Variants in SRGAP1 observed in about 807,000 individuals in gnomAD.
SRGAP1 encodes the protein SLIT-ROBO Rho GTPase-activating protein 1.
A neutral mutation model predicts 121.9 loss-of-function variants in SRGAP1; 43 were observed. The observed-to-expected ratio is 0.35, with a 90% CI of 0.28 to 0.46. The LOEUF is 0.46. Ranked by LOEUF, SRGAP1 falls within the 20% of genes least tolerant of loss-of-function variation. The pLI, the probability that SRGAP1 is intolerant of heterozygous loss-of-function variation, is 1.00. For missense variants in SRGAP1, 1,102 were observed against 1,350.9 expected, an observed-to-expected ratio of 0.82 and a Z score of 2.89; for synonymous variants, 447 against 485.4, an observed-to-expected ratio of 0.92 and a Z score of 1.04.
At chr12:63,936,765 A>G (rs1283342161) in intron 1 of SRGAP1, among the ~76,000 whole-genome samples, 1 of 152,214 alleles carries the variant, frequency 6.6e-6, no homozygotes, top group East Asian at 1.9e-4. Context: ...TGATATATCA[A>G]TTCTACAATT....
At chr12:63,920,637 G>T (rs1273227981) in intron 1 of SRGAP1, among the ~76,000 whole-genome samples, 1 of 152,142 alleles carries the variant, frequency 6.6e-6, no homozygotes, top group South Asian at 2.1e-4. Flanking sequence ...GAGATGAGTT[G>T]GATATGCAGA....
intron 1 of SRGAP1, among the ~76,000 whole-genome samples, chr12:63,850,721 C>A (rs1345968853): frequency 6.6e-6 from 1 of 151,894 alleles, no homozygotes; most frequent in Non-Finnish European, 1.5e-5. Context: ...CCATGCCCGG[C>A]CAAGGAGAGA....
intron 8 of SRGAP1, among the ~76,000 whole-genome samples, chr12:64,072,393 T>C (rs2035658311): frequency 6.6e-6 from 1 of 152,112 alleles, no homozygotes; most frequent in Non-Finnish European, 1.5e-5. Context: ...GTATGATTTG[T>C]GTCCGCCCTG....
chr12:63,916,386 C>T (rs1003030587), intron 1 of SRGAP1, among the ~76,000 whole-genome samples: 1 of 152,128 alleles, frequency 6.6e-6, no homozygotes, highest in Admixed American at 6.5e-5. Flanking sequence ...GTTTGAGACA[C>T]CTTTAGGTGG....
At chr12:63,897,685 G>T (rs1283841344) in intron 1 of SRGAP1, among the ~76,000 whole-genome samples, 1 of 152,160 alleles carries the variant, frequency 6.6e-6, no homozygotes, top group Non-Finnish European at 1.5e-5. Context: ...AAATTGTGGT[G>T]CCTCTCAACT....
At chr12:64,032,365 A>G (rs2034799737) in intron 4 of SRGAP1, 3 of 422,276 alleles carry the variant, frequency 7.1e-6, no homozygotes, top group South Asian at 5.4e-5. Flanking sequence ...CAATGGTAGT[A>G]TGAGATACTT....
intron 1 of SRGAP1, among the ~76,000 whole-genome samples, chr12:63,883,794 G>A (rs1900274685): frequency 6.6e-6 from 1 of 151,418 alleles, no homozygotes; most frequent in African/African-American, 2.4e-5. Context: ...GAGTAGCTGG[G>A]ACTACAGGCG....
intron 12 of SRGAP1, among the ~76,000 whole-genome samples, chr12:64,094,502 C>T (rs2036116824): frequency 6.6e-6 from 1 of 152,074 alleles, no homozygotes; most frequent in African/African-American, 2.4e-5. Context: ...GATATGGAAG[C>T]CCTTTTATGA....
chr12:63,857,238 C>G (rs2136261531), intron 1 of SRGAP1, among the ~76,000 whole-genome samples: 1 of 151,374 alleles, frequency 6.6e-6, no homozygotes, highest in East Asian at 1.9e-4. Context: ...CTCCACCACG[C>G]CCAGCTAATT....
intron 21 of SRGAP1, among the ~76,000 whole-genome samples, chr12:64,129,228 A>G (rs1243636436): frequency 1.3e-5 from 2 of 152,198 alleles, no homozygotes; most frequent in Non-Finnish European, 2.9e-5. Flanking sequence ...GAGTCCCACA[A>G]TAGGCCATCT....
At chr12:64,082,022 T>TTTTTTC (rs10694606) in intron 10 of SRGAP1, 1 of 143,768 alleles carries the variant, frequency 7.0e-6, no homozygotes, top group African/African-American at 2.6e-5. Context: ...TTTTTTTTTT[T>TTTTTTC]CAATTTTTCA....
intron 1 of SRGAP1, among the ~76,000 whole-genome samples, chr12:63,975,467 A>T (rs973279303): frequency 6.6e-6 from 1 of 152,270 alleles, no homozygotes; most frequent in African/African-American, 2.4e-5. Flanking sequence ...CATTTTAAAA[A>T]GTAAAAAGAA....
intron 1 of SRGAP1, among the ~76,000 whole-genome samples, chr12:63,917,346 ACCTAGGGCTCT>A (rs961133931): frequency 6.6e-6 from 1 of 152,130 alleles, no homozygotes; most frequent in African/African-American, 2.4e-5. Flanking sequence ...TCCCAGAAAG[ACCTAGGGCTCT>A]CTAAGACAGT....
intron 1 of SRGAP1, among the ~76,000 whole-genome samples, chr12:63,936,834 G>A (rs6581513): frequency 0.11 from 17,130 of 152,058 alleles, 1,667 homozygotes; most frequent in African/African-American, 0.26. Flanking sequence ...TGCAAAGTTG[G>A]TAATATATAA....
intron 1 of SRGAP1, among the ~76,000 whole-genome samples, chr12:63,917,082 G>A (rs7134647): frequency 0.29 from 43,669 of 152,056 alleles, 6,394 homozygotes; most frequent in Middle Eastern, 0.32. Flanking sequence ...GTGAGATTTA[G>A]TCATATTGCA....
At chr12:64,063,274 C>T (rs2035482421) in intron 7 of SRGAP1, 136 bp downstream of exon 7, 1 of 801,808 alleles carries the variant, frequency 1.2e-6, no homozygotes, top group South Asian at 1.9e-5. Context: ...TAATATAATG[C>T]TAAGATTAGT....
Position 64,147,679 on chromosome 12 carries a change from G to A in SRGAP1, c.*5007G>A. 1 of 398,562 alleles carries A rather than the reference G, an allele frequency of 2.5e-6. No individual in the cohort carries two copies. The highest frequency in any genetic ancestry group is 4.4e-6 in the Non-Finnish European group (1 of 226,084). The allele number at this position is 398,562 out of a possible 1,614,324, so 24.7% of individuals were successfully genotyped here. A position where few individuals can be genotyped will look rare whatever the true frequency, so the allele number is the denominator to read the frequency against. ...GAAAATAAAGGGGGATGCTTTTACA[G>A]TCTGGAAAGAAAAAAAATGTTTTGT... On this transcript the variant is annotated 3_prime_UTR_variant, in exon 22 of 22. Coordinates refer to ENST00000355086, the MANE Select transcript of SRGAP1 (RefSeq NM_020762.4).
chr12:64,082,001 C>CTTTTTTTTTTTTTTTTTTTTTTTT, intron 10 of SRGAP1: 12 of 66,124 alleles, frequency 1.8e-4, no homozygotes, highest in East Asian at 5.4e-4. Flanking sequence ...CATGTAAGGT[C>CTTTTTTTTTTTTTTTTTTTTTTTT]TTTTTTTTTT....
chr12:63,879,795 C>T (rs776519783), intron 1 of SRGAP1, among the ~76,000 whole-genome samples: 2 of 152,092 alleles, frequency 1.3e-5, no homozygotes, highest in African/African-American at 2.4e-5. Context: ...AATTATCTAC[C>T]CAAATCCATG....
Sources: gnomAD v4.1 joint callset for allele counts (sites outside exome capture counted in the v4.1 genomes callset) on GRCh38, gnomAD v4.1.1 for gene constraint, MANE v1.5 for transcripts, NCBI Gene and HGNC (gene_info 2026-07-23, HGNC 2026-07-21) for gene names.